LAMA4: variants seen among roughly 807,000 people sequenced by gnomAD.
LAMA4 encodes the protein laminin subunit alpha-4.
Under a neutral mutation model 207.1 loss-of-function variants are expected in LAMA4, and 127 were observed. That is an observed-to-expected ratio of 0.61 (90% CI 0.53 to 0.71). The LOEUF is 0.71. LAMA4 is among the 30% of genes least tolerant of loss of function. LAMA4 has a pLI of 0.00. For missense variants in LAMA4, 2,093 were observed against 2,246.5 expected (o/e 0.93, Z 1.38); for synonymous variants, 761 against 816.0 (o/e 0.93, Z 1.15).
chr6:112,128,634 A>G (rs1554328422), intron 31 of LAMA4, among the ~76,000 whole-genome samples: 1 of 152,192 alleles, frequency 6.6e-6, no homozygotes, highest in Non-Finnish European at 1.5e-5. Flanking sequence ...TAGACATGCT[A>G]TCACTCTGAT....
chr6:112,201,899 C>G (rs1348910963), intron 4 of LAMA4, among the ~76,000 whole-genome samples: 1 of 152,108 alleles, frequency 6.6e-6, no homozygotes, highest in African/African-American at 2.4e-5. Context: ...GGACCATTTC[C>G]CAGGTCCTAT....
At chr6:112,216,494 T>C (rs782050902) in intron 2 of LAMA4, 25 bp from the exon 3 acceptor site, 10 of 1,470,492 alleles carry the variant, frequency 6.8e-6, no homozygotes, top group South Asian at 4.5e-5. Context: ...CCAAACCATT[T>C]TGATTATTGA....
At chr6:112,112,209 G>A (rs1777743545) in intron 38 of LAMA4, among the ~76,000 whole-genome samples, 1 of 152,154 alleles carries the variant, frequency 6.6e-6, no homozygotes, top group Non-Finnish European at 1.5e-5. Context: ...AGTCCTAAAG[G>A]TCAATAGGAG....
In LAMA4 at chr6:112,172,659, A is replaced by T. The variant is rs370194991; in HGVS notation, c.1503T>A (p.Asp501Glu). The T allele has an allele frequency of 4.5e-5, 72 of 1,613,488 alleles. No homozygotes were observed. The highest frequency in any genetic ancestry group is 1.2e-4 in the Admixed American group (7 of 59,998). Residue 501 changes from aspartate to glutamate, a missense_variant, in exon 12 of 39, where the codon GAT becomes GAA. By Grantham distance (45) the Asp-to-Glu change is conservative. Transcript: ENST00000230538. ...ALDQALNYVR[D>E]AEDMNRATAA... is the part of the protein sequence containing the mutation. ...CTGTGGCCCTGTTCATGTCTTCGGC[A>T]TCCCTGACATAGTTAAGGGCCTGGT...
intron 13 of LAMA4, 48 bp downstream of exon 13, chr6:112,165,112 T>C: frequency 2.0e-6 from 2 of 1,022,322 alleles, no homozygotes; most frequent in South Asian, 2.5e-5. Context: ...GAGCTGCTGT[T>C]GTAACCTGCT....
intron 2 of LAMA4, chr6:112,234,329 A>T (rs1785748924): frequency 2.0e-5 from 3 of 152,128 alleles, no homozygotes; most frequent in Admixed American, 2.0e-4. Flanking sequence ...CTGGTTTTTC[A>T]ATACTCTACT....
At chr6:112,192,159 G>T (rs1554349296) in intron 5 of LAMA4, among the ~76,000 whole-genome samples, 1 of 152,204 alleles carries the variant, frequency 6.6e-6, no homozygotes, top group East Asian at 1.9e-4. Flanking sequence ...TGATGGGTGG[G>T]ACCAGATATG....
In LAMA4 at chr6:112,141,429, A is replaced by G; in HGVS notation, c.2742T>C (p.Asp914=). 3 of 1,613,238 alleles carry G rather than the reference A, an allele frequency of 1.9e-6. No homozygotes were observed. Among genetic ancestry groups the G allele is most frequent in the Non-Finnish European group, 2.5e-6 (3 of 1,179,134 alleles). ...GCTTGGAGTCCAGGGGAATCTCCAC[A>G]TCTTTAGTTCCCAAATTATAGACGT... ...LVYVYNLGTK[D]VEIPLDSKPV... The change falls in exon 21 of 39, where the codon GAT becomes GAC. Residue 914 remains aspartate (D), a synonymous_variant. Transcript: ENST00000230538.
intron 7 of LAMA4, 113 bp downstream of exon 7, chr6:112,188,997 A>G (rs1218478240): frequency 1.3e-6 from 1 of 778,002 alleles, no homozygotes. Flanking sequence ...GGTTAAGTCC[A>G]GGGGTGGGAC....
chr6:112,179,193 A>G (rs1782199489), intron 9 of LAMA4: 1 of 152,180 alleles, frequency 6.6e-6, no homozygotes, highest in Non-Finnish European at 1.5e-5. Context: ...CAGAGATCTC[A>G]CACAGTATTT....
At chr6:112,191,977 T>C (rs1270835548) in intron 5 of LAMA4, 127 bp from the exon 6 acceptor site, 3 of 803,546 alleles carry the variant, frequency 3.7e-6, no homozygotes, top group Non-Finnish European at 6.3e-6. Flanking sequence ...TCATTTGCAC[T>C]CTCTCATCTT....
chr6:112,250,513 C>T (rs1787364592), intron 2 of LAMA4, among the ~76,000 whole-genome samples: 1 of 152,178 alleles, frequency 6.6e-6, no homozygotes, highest in African/African-American at 2.4e-5. Flanking sequence ...AATAGCAAAA[C>T]TGAGGTTTCT....
chr6:112,130,409 T>G (rs1778970473), intron 29 of LAMA4, among the ~76,000 whole-genome samples: 1 of 151,636 alleles, frequency 6.6e-6, no homozygotes, highest in African/African-American at 2.4e-5. Context: ...GCAAAGCACA[T>G]TAGATTATTT....
intron 2 of LAMA4, chr6:112,236,600 G>C (rs151137947): frequency 7.9e-5 from 12 of 152,290 alleles, no homozygotes; most frequent in Admixed American, 5.2e-4. Flanking sequence ...GGAGATAAAA[G>C]AAGCTTTCCT....
intron 4 of LAMA4, among the ~76,000 whole-genome samples, chr6:112,204,419 C>T (rs1330221756): frequency 6.6e-6 from 1 of 151,266 alleles, no homozygotes; most frequent in Non-Finnish European, 1.5e-5. Context: ...AAAAGTGGAA[C>T]AGCATAATTA....
At chr6:112,115,735 G>T in intron 36 of LAMA4, 128 bp downstream of exon 36, 1 of 1,032,216 alleles carries the variant, frequency 9.7e-7, no homozygotes, top group Non-Finnish European at 1.5e-6. Flanking sequence ...TACATTTCAT[G>T]TTATAGCTTT....
chr6:112,193,838 A>T (rs983918556), intron 5 of LAMA4, among the ~76,000 whole-genome samples: 2 of 152,212 alleles, frequency 1.3e-5, no homozygotes, highest in African/African-American at 4.8e-5. Flanking sequence ...GAATGAGTGG[A>T]TTCATCCAAC....
At position 112,118,926 on chromosome 6, in the gene LAMA4, CTT is replaced by C. The variant is rs1401611405; in HGVS notation, c.4821+228_4821+229del. Among the ~76,000 whole-genome samples, 1 of 152,042 alleles carries C rather than the reference CTT, an allele frequency of 6.6e-6. No homozygotes were observed. Among genetic ancestry groups the C allele is most frequent in the African/African-American group, 2.4e-5 (1 of 41,394 alleles). On this transcript the variant is annotated intron_variant, in intron 34 of 38. Coordinates refer to ENST00000230538, the MANE Select transcript of LAMA4 (RefSeq NM_001105206.3). The surrounding 1 kb of genome is among the most constrained non-coding windows in gnomAD (Gnocchi z 4.6). Reference sequence around the variant, plus strand: ...TTCATGATAATTTATGCCTCTGAAACTTTTTCATTTGACATCTACCTTAGAAT... The same window carrying C: ...TTCATGATAATTTATGCCTCTGAAACTTTCATTTGACATCTACCTTAGAAT...
At chr6:112,109,670 C>T (rs782279714) in intron 38 of LAMA4, 88 bp from the exon 39 acceptor site, 64 of 1,279,966 alleles carry the variant, frequency 5.0e-5, no homozygotes, top group Non-Finnish European at 7.0e-5. Context: ...TACATATTTG[C>T]TCATATCATC....
Sources: gnomAD v4.1 joint callset for allele counts (sites outside exome capture counted in the v4.1 genomes callset) on GRCh38, gnomAD v4.1.1 for gene constraint, Gnocchi (gnomAD v3.1) non-coding constraint, MANE v1.5 for transcripts, NCBI Gene and HGNC (gene_info 2026-07-23, HGNC 2026-07-21) for gene names.